Variants in RIC1 observed in about 807,000 individuals in gnomAD.
The protein encoded by RIC1 is RIC1 partner of RAB6A GEF complex.
Under a neutral mutation model 169.0 loss-of-function variants are expected in RIC1, and 88 were observed. That is an observed-to-expected ratio of 0.52 (90% CI 0.44 to 0.62). RIC1 has a LOEUF of 0.62. Among genes scored for constraint, RIC1 ranks in the 20% least tolerant of loss-of-function variants. The pLI is 0.00. For missense variants in RIC1, 1,877 were observed against 1,725.5 expected, an observed-to-expected ratio of 1.09 and a Z score of -1.56; for synonymous variants, 790 against 601.5, an observed-to-expected ratio of 1.31 and a Z score of -4.59.
intron 3 of RIC1, among the ~76,000 whole-genome samples, chr9:5,697,158 G>T (rs574307628): frequency 9.2e-5 from 14 of 152,272 alleles, no homozygotes; most frequent in African/African-American, 3.1e-4. Flanking sequence ...TCTCTGTGTG[G>T]CTCCCACATC....
intron 2 of RIC1, among the ~76,000 whole-genome samples, chr9:5,660,418 G>C (rs1160645535): frequency 6.6e-6 from 1 of 152,140 alleles, no homozygotes; most frequent in Non-Finnish European, 1.5e-5. Context: ...AGGTCTTTGA[G>C]GAATTGCCTA....
At chr9:5,749,317 GC>G (rs1212878759) in intron 12 of RIC1, among the ~76,000 whole-genome samples, 1 of 152,210 alleles carries the variant, frequency 6.6e-6, no homozygotes, top group East Asian at 1.9e-4. Flanking sequence ...TGGCACTCCA[GC>G]TACATGATTC....
At chr9:5,696,958 T>G (rs1435938761) in intron 3 of RIC1, among the ~76,000 whole-genome samples, 1 of 152,236 alleles carries the variant, frequency 6.6e-6, no homozygotes, top group Non-Finnish European at 1.5e-5. Context: ...TGAAGTCCAC[T>G]GAATGTCCTA....
intron 3 of RIC1, among the ~76,000 whole-genome samples, chr9:5,694,291 T>C (rs1353278267): frequency 6.6e-6 from 1 of 152,224 alleles, no homozygotes; most frequent in African/African-American, 2.4e-5. Flanking sequence ...CATGAAAGTT[T>C]CCCTCAATAT....
rs537090483 is a variant in RIC1 at position 5,686,375 on chromosome 9, C to G, written c.253-3584C>G. On this transcript the variant is annotated intron_variant, in intron 2 of 25. Transcript: ENST00000414202. The stretch of plus-strand genomic sequence containing the variant: ...CACAATAGCAAAGACTTGAAACCAA[C>G]CCAAATGTCCAACAATGATAGACTG... 1.9e-3 allele frequency among the ~76,000 whole-genome samples: 284 copies of G among 152,128 alleles called. 1 individual carries two copies. Among genetic ancestry groups the G allele is most frequent in the South Asian group, 0.015 (73 of 4,810 alleles).
chr9:5,705,192 G>GGT (rs1554669982), intron 3 of RIC1, among the ~76,000 whole-genome samples: 2,662 of 113,274 alleles, frequency 0.024, 32 homozygotes, highest in Non-Finnish European at 0.028. Context: ...TCCCATTTCT[G>GGT]TTTTTTTTTT....
Position 5,774,196 on chromosome 9 carries a change from G to A in RIC1, c.4222G>A (p.Glu1408Lys), listed in dbSNP as rs770980698. 8.7e-6 allele frequency: 14 copies of A among 1,613,772 alleles called. No individual in the cohort carries two copies. Among genetic ancestry groups the A allele is most frequent in the African/African-American group, 1.3e-5 (1 of 74,924 alleles). ...SRKEEDTAQA[E>K]EEEPFQDGTY... The stretch of plus-strand genomic sequence containing the variant: ...GAAAGAGGAGGACACAGCCCAAGCA[G>A]AGGAGGAAGAACCTTTTCAGGATGG... Residue 1408 changes from glutamate (E) to lysine (K), a missense_variant, in exon 26 of 26, where the codon GAG becomes AAG. Glu to Lys is a moderately conservative substitution (Grantham distance 56). This residue lies in a region of RIC1 where 681 missense variants were observed against 582.0 expected (regional missense o/e 1.17). Coordinates refer to ENST00000414202, the MANE Select transcript of RIC1 (RefSeq NM_020829.4).
At chr9:5,632,193 C>T (rs1272822375) in intron 1 of RIC1, among the ~76,000 whole-genome samples, 1 of 152,140 alleles carries the variant, frequency 6.6e-6, no homozygotes, top group Non-Finnish European at 1.5e-5. Context: ...AAATCAGGCT[C>T]TCTTAGGAGT....
At chr9:5,760,880 C>T (rs534940560) in intron 17 of RIC1, among the ~76,000 whole-genome samples, 1 of 152,244 alleles carries the variant, frequency 6.6e-6, no homozygotes, top group East Asian at 1.9e-4. Context: ...TTAAATTCAG[C>T]CAGCCAGCAT....
intron 2 of RIC1, among the ~76,000 whole-genome samples, chr9:5,668,924 C>G (rs149661939): frequency 2.0e-5 from 3 of 152,184 alleles, no homozygotes; most frequent in African/African-American, 7.2e-5. Context: ...TCTTTATTTT[C>G]TATGACTGGG....
chr9:5,722,348 A>AGTGT (rs1554673860), intron 6 of RIC1, among the ~76,000 whole-genome samples: 12,365 of 131,110 alleles, frequency 0.094, 915 homozygotes, highest in African/African-American at 0.21. Context: ...AGAGAGAGAG[A>AGTGT]GTGTGTGTGT....
chr9:5,668,693 G>T (rs1819923825), intron 2 of RIC1, among the ~76,000 whole-genome samples: 1 of 151,866 alleles, frequency 6.6e-6, no homozygotes, highest in Non-Finnish European at 1.5e-5. Flanking sequence ...TTTCATTTTA[G>T]TTACTGTACT....
chr9:5,731,406 G>T (rs775747294), intron 6 of RIC1, among the ~76,000 whole-genome samples: 23 of 152,138 alleles, frequency 1.5e-4, no homozygotes, highest in African/African-American at 5.3e-4. Context: ...TCCGTGTTTA[G>T]ATAGTAGATT....
chr9:5,769,294 G>A (rs1827028970), intron 22 of RIC1, 38 bp downstream of exon 22: 4 of 1,613,698 alleles, frequency 2.5e-6, no homozygotes, highest in Non-Finnish European at 3.4e-6. Flanking sequence ...AAGGAGAATT[G>A]TATTTTACTC....
intron 2 of RIC1, among the ~76,000 whole-genome samples, chr9:5,660,566 C>G (rs376060702): frequency 1.8e-3 from 273 of 152,310 alleles, no homozygotes; most frequent in African/African-American, 6.3e-3. Flanking sequence ...GAGACGGTAT[C>G]TCATTGTGGT....
chr9:5,693,829 TC>T (rs1004178317), intron 3 of RIC1, among the ~76,000 whole-genome samples: 1 of 152,184 alleles, frequency 6.6e-6, no homozygotes, highest in Middle Eastern at 3.4e-3. Flanking sequence ...GAGATTTTTT[TC>T]CCCCTTCTTC....
In RIC1 at chr9:5,753,537, T is replaced by C; in HGVS notation, c.1493T>C (p.Phe498Ser). 6.3e-7 allele frequency: 1 copy of C among 1,590,344 alleles called. No individual in the cohort carries two copies. Among genetic ancestry groups the C allele is most frequent in the Non-Finnish European group, 8.6e-7 (1 of 1,167,040 alleles). ...TYLESNWPIRFSAIDKLGQNI... is the reference protein window; with the variant it reads ...TYLESNWPIRSSAIDKLGQNI... The stretch of plus-strand genomic sequence containing the variant: ...GTTCTTATTTTTTTTTTTAAACAGT[T>C]TTCAGCTATTGATAAGCTTGGACAG... The change falls in exon 14 of 26, where the codon TTT (phenylalanine) becomes TCT (serine). Residue 498 changes from phenylalanine to serine, a missense_variant and splice_region_variant. This residue lies in a region of RIC1 where 1,104 missense variants were observed against 992.0 expected (regional missense o/e 1.11). Coordinates refer to ENST00000414202, the MANE Select transcript of RIC1 (RefSeq NM_020829.4).
At chr9:5,630,978 C>CT (rs536440043) in intron 1 of RIC1, among the ~76,000 whole-genome samples, 109 of 152,268 alleles carry the variant, frequency 7.2e-4, no homozygotes, top group African/African-American at 2.5e-3. Context: ...CAAATTTAGA[C>CT]TTTCGTCTAA....
At chr9:5,724,233 G>C (rs571033736) in intron 6 of RIC1, among the ~76,000 whole-genome samples, 4 of 151,966 alleles carry the variant, frequency 2.6e-5, no homozygotes, top group African/African-American at 4.8e-5. Context: ...CTTTTATTTC[G>C]TTGAGCAGTG....
Sources: gnomAD v4.1 joint callset for allele counts (sites outside exome capture counted in the v4.1 genomes callset) on GRCh38, gnomAD v4.1.1 for gene constraint, gnomAD v4.1.1 regional missense constraint, MANE v1.5 for transcripts, NCBI Gene and HGNC (gene_info 2026-07-23, HGNC 2026-07-21) for gene names.